The following CHLSN variants were observed in gnomAD, a reference collection of about 807,000 sequenced individuals.
CHLSN encodes the protein protein cholesin.
At chr7:1,073,446 A>T in the CHLSN span, among the ~76,000 whole-genome samples, 1 of 151,720 alleles carries the variant, frequency 6.6e-6, no homozygotes, top group East Asian at 1.9e-4. Flanking sequence ...CCACCCCCTA[A>T]TCCCGCTGGA....
chr7:981,508 G>GA, the CHLSN span, among the ~76,000 whole-genome samples: 5 of 151,682 alleles, frequency 3.3e-5, no homozygotes, highest in Admixed American at 6.6e-5. Flanking sequence ...GAGGTCAAGA[G>GA]ATCGAGACTG....
the CHLSN span, among the ~76,000 whole-genome samples, chr7:1,071,229 C>CA: frequency 3.3e-5 from 5 of 152,256 alleles, no homozygotes; most frequent in African/African-American, 1.2e-4. Context: ...CGCACGTCAG[C>CA]AGCAGATCAG....
the CHLSN span, among the ~76,000 whole-genome samples, chr7:980,190 C>A: frequency 6.6e-6 from 1 of 152,234 alleles, no homozygotes; most frequent in African/African-American, 2.4e-5. Flanking sequence ...CTGTCTGACT[C>A]CAGCCCCTCC....
the CHLSN span, among the ~76,000 whole-genome samples, chr7:1,038,128 G>C: frequency 8.4e-6 from 1 of 119,644 alleles, no homozygotes; most frequent in Non-Finnish European, 1.9e-5. Context: ...ATCTCCGCCC[G>C]GCAGCCACCC....
chr7:1,111,354 A>G, the CHLSN span, among the ~76,000 whole-genome samples: 1 of 152,248 alleles, frequency 6.6e-6, no homozygotes. Context: ...GGCCTCATAT[A>G]ACCATCTTGA....
At chr7:1,080,194 T>G in the CHLSN span, among the ~76,000 whole-genome samples, 1 of 152,256 alleles carries the variant, frequency 6.6e-6, no homozygotes, top group Non-Finnish European at 1.5e-5. Context: ...GAACCAGCGA[T>G]GCCCAATCCT....
chr7:1,051,599 T>C, the CHLSN span, among the ~76,000 whole-genome samples: 1 of 152,268 alleles, frequency 6.6e-6, no homozygotes, highest in East Asian at 1.9e-4. Flanking sequence ...TGGTCAGATA[T>C]CTCCCGCATG....
chr7:1,100,366 A>T, the CHLSN span, among the ~76,000 whole-genome samples: 3 of 152,204 alleles, frequency 2.0e-5, no homozygotes, highest in Admixed American at 6.5e-5. Flanking sequence ...ATTCTCTGGG[A>T]GAGAGTGGAC....
the CHLSN span, among the ~76,000 whole-genome samples, chr7:1,055,836 T>C: frequency 6.6e-6 from 1 of 152,096 alleles, no homozygotes; most frequent in Non-Finnish European, 1.5e-5. Context: ...GGGCGCCCCG[T>C]GAGGCCAGGC....
At chr7:984,841 G>A in the CHLSN span, 1 of 1,415,066 alleles carries the variant, frequency 7.1e-7, no homozygotes, top group South Asian at 1.4e-5. Context: ...GGGGGTGAGG[G>A]CCCAGCCAGT....
At chr7:1,078,896 C>G in the CHLSN span, among the ~76,000 whole-genome samples, 1 of 152,258 alleles carries the variant, frequency 6.6e-6, no homozygotes, top group Non-Finnish European at 1.5e-5. Flanking sequence ...AGCCTTCCCC[C>G]AAACACTCAG....
chr7:1,070,668 TACGC>T, the CHLSN span, among the ~76,000 whole-genome samples: 6 of 124,906 alleles, frequency 4.8e-5, no homozygotes, highest in East Asian at 2.5e-4. Flanking sequence ...TGCACGCACA[TACGC>T]ACACGTGCAC....
the CHLSN span, among the ~76,000 whole-genome samples, chr7:998,320 C>T: frequency 2.0e-5 from 3 of 152,294 alleles, no homozygotes; most frequent in African/African-American, 4.8e-5. Flanking sequence ...CCTGTGGCAG[C>T]GGCTTTCAAC....
chr7:1,023,624 A>AACACACACACACAC, the CHLSN span, among the ~76,000 whole-genome samples: 966 of 122,298 alleles, frequency 7.9e-3, 10 homozygotes, highest in East Asian at 0.028. The surrounding 1 kb of genome is among the most constrained non-coding windows in gnomAD (Gnocchi z 5.0). Context: ...CCTCCCAGGA[A>AACACACACACACAC]ACACACACAC....
chr7:1,052,055 T>A, the CHLSN span, among the ~76,000 whole-genome samples: 2 of 152,156 alleles, frequency 1.3e-5, no homozygotes, highest in East Asian at 3.9e-4. This position sits in a 1 kb window ranked among gnomAD's most constrained non-coding sequence, Gnocchi z 4.2. Context: ...ATAGGGAAAA[T>A]AAAACGATTG....
the CHLSN span, among the ~76,000 whole-genome samples, chr7:1,075,513 G>C: frequency 6.7e-6 from 1 of 150,034 alleles, no homozygotes; most frequent in Non-Finnish European, 1.5e-5. Context: ...GACACAGCTA[G>C]ATTCTGTCTC....
chr7:1,123,491 C>T, the CHLSN span, among the ~76,000 whole-genome samples: 1 of 152,134 alleles, frequency 6.6e-6, no homozygotes, highest in Admixed American at 6.5e-5. This position sits in a 1 kb window ranked among gnomAD's most constrained non-coding sequence, Gnocchi z 4.4. Context: ...AGGGAAGCAG[C>T]GCAGTACTTT....
chr7:1,026,569 C>G, the CHLSN span: 1 of 152,252 alleles, frequency 6.6e-6, no homozygotes, highest in African/African-American at 2.4e-5. Context: ...CGGCCAACCA[C>G]ACAAAGCCTG....
the CHLSN span, among the ~76,000 whole-genome samples, chr7:1,115,987 C>T: frequency 2.4e-4 from 28 of 116,230 alleles, 2 homozygotes; most frequent in Non-Finnish European, 3.7e-4. Context: ...TGCAGCTCTA[C>T]GGACCGGCTT....
Sources: gnomAD v4.1 joint callset for allele counts (sites outside exome capture counted in the v4.1 genomes callset) on GRCh38, gnomAD v4.1.1 for gene constraint, Gnocchi (gnomAD v3.1) non-coding constraint, MANE v1.5 for transcripts, NCBI Gene and HGNC (gene_info 2026-07-23, HGNC 2026-07-21) for gene names.